PPM1B: variants seen among roughly 807,000 people sequenced by gnomAD.
PPM1B encodes protein phosphatase 1B.
A neutral mutation model predicts 43.0 loss-of-function variants in PPM1B; 22 were observed. The ratio of observed to expected loss-of-function variants is 0.51; its 90% CI spans 0.37 to 0.73. The LOEUF is 0.73. Among genes scored for constraint, PPM1B ranks in the 30% least tolerant of loss-of-function variants. PPM1B has a pLI of 0.00. For missense variants in PPM1B, 632 were observed against 584.2 expected (o/e 1.08, Z -0.84); for synonymous variants, 217 against 197.9 (o/e 1.10, Z -0.81).
intron 1 of PPM1B, among the ~76,000 whole-genome samples, chr2:44,181,040 G>A (rs1186370515): frequency 1.3e-5 from 2 of 152,044 alleles, no homozygotes; most frequent in Non-Finnish European, 2.9e-5. Context: ...GATCTCCTAG[G>A]TTCAAGCAGT....
downstream of PPM1B, chr2:44,232,249 T>G (rs1572762339): frequency 6.4e-7 from 1 of 1,566,436 alleles, no homozygotes; most frequent in East Asian, 2.2e-5. Flanking sequence ...TGTTTTCTTT[T>G]GAAATTCAAT....
At chr2:44,237,195 T>C (rs1461570945), downstream of PPM1B, among the ~76,000 whole-genome samples, 2 of 152,224 alleles carry the variant, frequency 1.3e-5, no homozygotes, top group African/African-American at 4.8e-5. Context: ...TGCTTTTAAG[T>C]TTTTTTCTGT....
At chr2:44,206,724 CT>C (rs1039491441) in intron 2 of PPM1B, among the ~76,000 whole-genome samples, 7 of 149,640 alleles carry the variant, frequency 4.7e-5, no homozygotes, top group African/African-American at 1.3e-4. Context: ...ATGCTTGATT[CT>C]TTTTTTGTTG....
intron 5 of PPM1B, among the ~76,000 whole-genome samples, chr2:44,227,905 TTTTTTC>T (rs905874876): frequency 4.1e-5 from 6 of 145,532 alleles, no homozygotes; most frequent in African/African-American, 1.5e-4. Flanking sequence ...CAAGCACTTT[TTTTTTC>T]TTTTTCTTTT....
chr2:44,191,397 G>A (rs570914619), intron 1 of PPM1B, among the ~76,000 whole-genome samples: 1 of 152,046 alleles, frequency 6.6e-6, no homozygotes, highest in Non-Finnish European at 1.5e-5. Context: ...TCTATTTTTA[G>A]TAGAGATGGG....
Position 44,215,217 on chromosome 2 carries a change from A to G in PPM1B, c.965-2750A>G, listed in dbSNP as rs138397551. Among the ~76,000 whole-genome samples the G allele has an allele frequency of 1.4e-3, 208 of 152,348 alleles. 1 individual carries two copies. Among genetic ancestry groups the G allele is most frequent in the Non-Finnish European group, 2.3e-3 (156 of 68,026 alleles). ...TGTAACTTCACAGTAGCTTACACCT[A>G]TAATTCTTGGGATGCCGAGGCAGAA... On this transcript the variant is annotated intron_variant, in intron 3 of 5. Transcript: ENST00000282412.
At chr2:44,171,182 T>G (rs1027499968) in intron 1 of PPM1B, among the ~76,000 whole-genome samples, 1 of 152,234 alleles carries the variant, frequency 6.6e-6, no homozygotes, top group Non-Finnish European at 1.5e-5. Flanking sequence ...CACCGTTTTC[T>G]TACACTGGGT....
At chr2:44,238,668 C>A (rs547077589), downstream of PPM1B, among the ~76,000 whole-genome samples, 9 of 151,954 alleles carry the variant, frequency 5.9e-5, no homozygotes, top group African/African-American at 2.2e-4. Context: ...TGCCACTGCA[C>A]TCCAGCCTGG....
At chr2:44,179,844 A>G (rs1485411481) in intron 1 of PPM1B, among the ~76,000 whole-genome samples, 1 of 152,028 alleles carries the variant, frequency 6.6e-6, no homozygotes, top group East Asian at 1.9e-4. Flanking sequence ...CTCCGTCTCT[A>G]CTAAATATAC....
intron 1 of PPM1B, among the ~76,000 whole-genome samples, chr2:44,189,926 T>C (rs1209629397): frequency 6.6e-6 from 1 of 152,230 alleles, no homozygotes; most frequent in Non-Finnish European, 1.5e-5. Context: ...TACTAACATT[T>C]TGATGGCATG....
rs772061066 is a variant in PPM1B, at chr2:44,218,072, C to T, written c.1070C>T (p.Ala357Val). The change falls in exon 4 of 6, where the codon GCT (alanine) becomes GTT (valine). Residue 357 changes from alanine (A) to valine (V), a missense_variant. Transcript: ENST00000282412. ...IPNLPPGGGLAGKRNVIEAVY... is the reference protein window; with the variant it reads ...IPNLPPGGGLVGKRNVIEAVY... ...AATTTGCCTCCTGGGGGAGGTCTTGCTGGCAAGTAAGTAGAACAAAAAGCT... is the reference window on the plus strand; with the variant it reads ...AATTTGCCTCCTGGGGGAGGTCTTGTTGGCAAGTAAGTAGAACAAAAAGCT... 2.5e-6 allele frequency: 4 copies of T among 1,607,918 alleles called. No individual in the cohort carries two copies. Among genetic ancestry groups the T allele is most frequent in the Non-Finnish European group, 1.7e-6 (2 of 1,175,574 alleles).
At chr2:44,224,235 C>T (rs374374676) in intron 5 of PPM1B, among the ~76,000 whole-genome samples, 28 of 152,186 alleles carry the variant, frequency 1.8e-4, no homozygotes, top group East Asian at 1.4e-3. Context: ...GTGGGCGGAT[C>T]ACAAGGTCAG....
chr2:44,229,501 A>G (rs914586561), intron 5 of PPM1B, among the ~76,000 whole-genome samples: 2 of 152,192 alleles, frequency 1.3e-5, no homozygotes, highest in African/African-American at 4.8e-5. Flanking sequence ...CCAGTTTTTT[A>G]CAATACGTCC....
chr2:44,244,202 A>T (rs1572771851), intron 5 of PPM1B: 3 of 1,162,452 alleles, frequency 2.6e-6, no homozygotes, highest in Non-Finnish European at 3.3e-6. Context: ...ATATATATAT[A>T]TTTCAATTTC....
In PPM1B at chr2:44,201,255, G is replaced by C; in HGVS notation, c.56G>C (p.Gly19Ala). ...GAAAAACATAATGCTCATGGTGCTG[G>C]GAATGGTTTACGTTATGGCCTGAGC... is the stretch of plus-strand genomic sequence containing the variant. Reference protein sequence around the residue: ...KTEKHNAHGAGNGLRYGLSSM... With the variant: ...KTEKHNAHGAANGLRYGLSSM... The change falls in exon 2 of 6, where the codon GGG becomes GCG. Residue 19 changes from glycine (G) to alanine (A), a missense_variant. Gly to Ala is a moderately conservative substitution (Grantham distance 60). Coordinates refer to ENST00000282412, the MANE Select transcript of PPM1B (RefSeq NM_002706.6). This position sits in a 1 kb window ranked among gnomAD's most constrained non-coding sequence, Gnocchi z 5.4. 6.2e-7 allele frequency: 1 copy of C among 1,613,370 alleles called. No individual in the cohort carries two copies. Among genetic ancestry groups the C allele is most frequent in the Non-Finnish European group, 8.5e-7 (1 of 1,179,548 alleles).
chr2:44,170,284 G>T (rs959729184), intron 1 of PPM1B, among the ~76,000 whole-genome samples: 1 of 152,216 alleles, frequency 6.6e-6, no homozygotes, highest in East Asian at 1.9e-4. Context: ...TAACTGGGAA[G>T]TTGTTTTGAT....
At chr2:44,240,551 T>A (rs997554605) in intron 5 of PPM1B, among the ~76,000 whole-genome samples, 2 of 142,322 alleles carry the variant, frequency 1.4e-5, no homozygotes, top group African/African-American at 2.5e-5. Flanking sequence ...TTGACTTTTT[T>A]AATGTTGCAT....
intron 2 of PPM1B, among the ~76,000 whole-genome samples, chr2:44,208,873 G>A (rs1260597424): frequency 6.6e-6 from 1 of 152,178 alleles, no homozygotes; most frequent in African/African-American, 2.4e-5. Flanking sequence ...GATCCATTGT[G>A]GACTTAAGCC....
intron 1 of PPM1B, among the ~76,000 whole-genome samples, chr2:44,172,014 G>C (rs1306329579): frequency 3.3e-5 from 5 of 152,076 alleles, no homozygotes; most frequent in Admixed American, 6.5e-5. Flanking sequence ...ACAATTCACT[G>C]ATTTTAGTAA....
Sources: gnomAD v4.1 joint callset for allele counts (sites outside exome capture counted in the v4.1 genomes callset) on GRCh38, gnomAD v4.1.1 for gene constraint, Gnocchi (gnomAD v3.1) non-coding constraint, MANE v1.5 for transcripts, NCBI Gene and HGNC (gene_info 2026-07-23, HGNC 2026-07-21) for gene names.